Variants in BMP2K observed in about 807,000 individuals in gnomAD.
BMP2K encodes BMP2 inducible kinase.
In BMP2K, 74 loss-of-function variants were observed where a neutral mutation model predicts 116.0. The observed-to-expected ratio is 0.64, with a 90% CI of 0.53 to 0.77. BMP2K has a LOEUF of 0.77. BMP2K is among the 30% of genes least tolerant of loss of function. The pLI is 0.00. For synonymous variants in BMP2K, 486 were observed against 502.5 expected, an observed-to-expected ratio of 0.97 and a Z score of 0.44; for missense variants, 1,365 against 1,403.6, an observed-to-expected ratio of 0.97 and a Z score of 0.44.
chr4:78,780,245 C>G (rs945268929), intron 1 of BMP2K, among the ~76,000 whole-genome samples: 1 of 151,996 alleles, frequency 6.6e-6, no homozygotes, highest in Non-Finnish European at 1.5e-5. Context: ...ACTGGGAGAG[C>G]AGAGATAACT....
At chr4:78,907,837 T>C (rs1026991284) in intron 15 of BMP2K, among the ~76,000 whole-genome samples, 7 of 152,106 alleles carry the variant, frequency 4.6e-5, no homozygotes, top group Non-Finnish European at 8.8e-5. Flanking sequence ...TACTTGGAGG[T>C]GTCCGTGAGC....
intron 1 of BMP2K, among the ~76,000 whole-genome samples, chr4:78,802,836 CT>C (rs11287574): frequency 0.19 from 28,027 of 147,054 alleles, 5,475 homozygotes; most frequent in African/African-American, 0.5. Context: ...CATTTATAAT[CT>C]TTTTTTTTTT....
intron 1 of BMP2K, among the ~76,000 whole-genome samples, chr4:78,818,035 A>G (rs2109984937): frequency 6.6e-6 from 1 of 152,328 alleles, no homozygotes; most frequent in African/African-American, 2.4e-5. Context: ...GCATTCATTT[A>G]GATCTTATTT....
At chr4:78,795,975 C>T (rs1322233023) in intron 1 of BMP2K, among the ~76,000 whole-genome samples, 2 of 151,694 alleles carry the variant, frequency 1.3e-5, no homozygotes, top group African/African-American at 2.4e-5. Flanking sequence ...TTGTGGAAGT[C>T]AGTGTGGCGA....
rs949364445 is a variant in BMP2K at position 78,870,517 on chromosome 4, T to C, written c.1232-266T>C. 4.6e-5 allele frequency among the ~76,000 whole-genome samples: 7 copies of C among 152,180 alleles called. No homozygotes were observed. The South Asian group carries it at 8.3e-4, about 18-fold the overall frequency. On this transcript the variant is annotated intron_variant, in intron 10 of 15. Transcript: ENST00000502613. ...GCAGTGTAGAACAAACTAACATGGA[T>C]GTTGTGTTCATGGAGAGCCGAAGTA...
At chr4:78,871,741 A>G in intron 11 of BMP2K, 109 bp from the exon 12 acceptor site, 3 of 611,726 alleles carry the variant, frequency 4.9e-6, no homozygotes, top group Non-Finnish European at 5.8e-6. Context: ...TTTTGTATTG[A>G]TGTTTGGACT....
At chr4:78,789,858 A>G (rs1205062747) in intron 1 of BMP2K, among the ~76,000 whole-genome samples, 1 of 152,206 alleles carries the variant, frequency 6.6e-6, no homozygotes, top group Non-Finnish European at 1.5e-5. Context: ...GTAGGGAGAA[A>G]GGTAAAAGAG....
intron 15 of BMP2K, among the ~76,000 whole-genome samples, chr4:78,893,288 A>G (rs1733538118): frequency 6.6e-6 from 1 of 152,206 alleles, no homozygotes; most frequent in Non-Finnish European, 1.5e-5. Context: ...ATTCAGTCAC[A>G]TTTTTAGGTT....
At chr4:78,821,355 A>T (rs906815135) in intron 1 of BMP2K, among the ~76,000 whole-genome samples, 2 of 151,940 alleles carry the variant, frequency 1.3e-5, no homozygotes, top group African/African-American at 2.4e-5. Flanking sequence ...CATTATCTGT[A>T]TGTTTTTTCC....
rs547984690 is a variant in BMP2K at position 78,866,459 on chromosome 4, A to G, written c.1231+739A>G. Among the ~76,000 whole-genome samples, 103 of 152,166 alleles carry G rather than the reference A, an allele frequency of 6.8e-4. 3 individuals carry two copies. The South Asian group carries it at 0.016, about 23-fold the overall frequency. On this transcript the variant is annotated intron_variant, in intron 10 of 15. Coordinates refer to ENST00000502613, the MANE Select transcript of BMP2K (RefSeq NM_198892.2). Reference sequence around the variant, plus strand: ...GTCTCACGAACCTGATTTGAGTCCTATTTCTCCCATTTTTTAGTAATATAG... The same window carrying G: ...GTCTCACGAACCTGATTTGAGTCCTGTTTCTCCCATTTTTTAGTAATATAG...
chr4:78,834,758 A>T (rs965370450), intron 3 of BMP2K, among the ~76,000 whole-genome samples: 3 of 152,152 alleles, frequency 2.0e-5, no homozygotes, highest in Non-Finnish European at 2.9e-5. Context: ...GATGATGGTG[A>T]TGTTGGAGAA....
At chr4:78,865,827 C>A in intron 10 of BMP2K, 107 bp downstream of exon 10, 1 of 1,112,050 alleles carries the variant, frequency 9.0e-7, no homozygotes, top group South Asian at 1.8e-5. Flanking sequence ...AAGTAGATAA[C>A]ATAATGCTTT....
chr4:78,851,181 GA>G (rs1440427947), intron 7 of BMP2K, 125 bp downstream of exon 7: 2 of 967,414 alleles, frequency 2.1e-6, no homozygotes, highest in Admixed American at 7.0e-5. Context: ...CTATAGTAAA[GA>G]AAAAAACATT....
At chr4:78,891,740 TAAGA>T (rs1252391103) in intron 15 of BMP2K, among the ~76,000 whole-genome samples, 1 of 152,230 alleles carries the variant, frequency 6.6e-6, no homozygotes, top group Non-Finnish European at 1.5e-5. Flanking sequence ...TCTTTCACTC[TAAGA>T]GTTTCAGCAA....
At chr4:78,779,546 C>T (rs1299597564) in intron 1 of BMP2K, among the ~76,000 whole-genome samples, 2 of 152,124 alleles carry the variant, frequency 1.3e-5, no homozygotes, top group Admixed American at 6.5e-5. Flanking sequence ...TCAGTAGACT[C>T]ACATTTTTCA....
At chr4:78,843,618 A>C (rs983231422) in intron 4 of BMP2K, among the ~76,000 whole-genome samples, 1 of 151,974 alleles carries the variant, frequency 6.6e-6, no homozygotes, top group Admixed American at 6.6e-5. Context: ...GCTGTTAATC[A>C]TGAAAGCATC....
chr4:78,800,676 A>G (rs561355905), intron 1 of BMP2K, among the ~76,000 whole-genome samples: 1 of 152,328 alleles, frequency 6.6e-6, no homozygotes, highest in African/African-American at 2.4e-5. Context: ...AGTTTAAACT[A>G]CAGCTGTCTT....
chr4:78,837,067 T>G (rs1204793541), intron 3 of BMP2K, among the ~76,000 whole-genome samples: 2 of 151,616 alleles, frequency 1.3e-5, no homozygotes, highest in Non-Finnish European at 2.9e-5. Context: ...AGATTGATAA[T>G]CCTCTGATTT....
At chr4:78,855,053 G>A (rs184806797) in intron 7 of BMP2K, among the ~76,000 whole-genome samples, 241 of 152,136 alleles carry the variant, frequency 1.6e-3, no homozygotes, top group Middle Eastern at 0.01. Context: ...GTAACTTTTC[G>A]GGGTAGTTAC....
Sources: gnomAD v4.1 joint callset for allele counts (sites outside exome capture counted in the v4.1 genomes callset) on GRCh38, gnomAD v4.1.1 for gene constraint, MANE v1.5 for transcripts, NCBI Gene and HGNC (gene_info 2026-07-23, HGNC 2026-07-21) for gene names.